Variants in ALCAM observed in about 807,000 individuals in gnomAD.
The protein encoded by ALCAM is activated leukocyte cell adhesion molecule.
In ALCAM, 30 loss-of-function variants were observed where a neutral mutation model predicts 70.9. The ratio of observed to expected loss-of-function variants is 0.42; its 90% CI spans 0.32 to 0.57. The LOEUF (loss-of-function observed/expected upper bound fraction) is 0.57, where lower values mean the gene tolerates loss of function less well. ALCAM is among the 20% of genes least tolerant of loss of function. The pLI, the probability that ALCAM is intolerant of heterozygous loss-of-function variation, is 0.11. For synonymous variants in ALCAM, 249 were observed against 242.5 expected (o/e 1.03, Z -0.25); for missense variants, 591 against 695.1 (o/e 0.85, Z 1.68).
rs547975723 is a variant in ALCAM at position 105,478,869 on chromosome 3, C to T, written c.74-41198C>T. The stretch of plus-strand genomic sequence containing the variant: ...GAGGCATGAATGATGATTTAGAGTT[C>T]TCTGAGCTTATAATAAATAACCTCA... On this transcript the variant is annotated intron_variant, in intron 1 of 15. Coordinates refer to ENST00000306107, the MANE Select transcript of ALCAM (RefSeq NM_001627.4). Among the ~76,000 whole-genome samples, 32 of 152,132 alleles carry T rather than the reference C, an allele frequency of 2.1e-4. No homozygotes were observed. In the South Asian group the frequency reaches 6.6e-3, roughly 32 times the overall value.
At chr3:105,519,463 T>C (rs1034163627) in intron 1 of ALCAM, among the ~76,000 whole-genome samples, 2 of 152,078 alleles carry the variant, frequency 1.3e-5, no homozygotes, top group African/African-American at 2.4e-5. Context: ...ATTCTTACTA[T>C]GCTAATATTT....
chr3:105,467,422 G>A (rs74537900), intron 1 of ALCAM, among the ~76,000 whole-genome samples: 1,725 of 151,114 alleles, frequency 0.011, 11 homozygotes, highest in Middle Eastern at 0.024. Context: ...TGGATTGCTG[G>A]TATTGAACAT....
rs77393373 is a variant in ALCAM, at chr3:105,542,846, G to T, written c.991+1081G>T. Among the ~76,000 whole-genome samples the T allele has an allele frequency of 9.9e-3, 1,496 of 151,820 alleles. 19 individuals carry two copies. Among genetic ancestry groups the T allele is most frequent in the African/African-American group, 0.03 (1,237 of 41,482 alleles). On this transcript the variant is annotated intron_variant, in intron 8 of 15. Coordinates refer to ENST00000306107, the MANE Select transcript of ALCAM (RefSeq NM_001627.4). ...CCCTGTAAAAATAGTGGACTGTTAT[G>T]TTCACAGCTGGGCCATTTCTCCATT...
chr3:105,384,911 A>G (rs1278051285), intron 1 of ALCAM, among the ~76,000 whole-genome samples: 1 of 151,632 alleles, frequency 6.6e-6, no homozygotes, highest in African/African-American at 2.4e-5. Flanking sequence ...AGCCAAGTAA[A>G]CAAGACTTTC....
At chr3:105,408,155 A>T (rs1936295771) in intron 1 of ALCAM, among the ~76,000 whole-genome samples, 1 of 152,066 alleles carries the variant, frequency 6.6e-6, no homozygotes, top group Non-Finnish European at 1.5e-5. Flanking sequence ...TTACAAATTC[A>T]ATGCAATTCC....
chr3:105,435,981 G>A lies in ALCAM; in HGVS notation c.73+68500G>A, dbSNP rs181084729. Among the ~76,000 whole-genome samples the A allele has an allele frequency of 5.3e-5, 8 of 152,250 alleles. 1 individual carries two copies. The East Asian group carries it at 1.5e-3, about 29-fold the overall frequency. On this transcript the variant is annotated intron_variant, in intron 1 of 15. Transcript: ENST00000306107. ...GGCAAGTCTCACAATCATGGTGGAAGGCAAGAAGGAGCAAGTCACATCTTA... is the reference window on the plus strand; with the variant it reads ...GGCAAGTCTCACAATCATGGTGGAAAGCAAGAAGGAGCAAGTCACATCTTA...
chr3:105,418,445 G>C (rs1936560237), intron 1 of ALCAM, among the ~76,000 whole-genome samples: 1 of 151,584 alleles, frequency 6.6e-6, no homozygotes, highest in South Asian at 2.1e-4. Flanking sequence ...TCCTGAATCT[G>C]AGATCAAGCA....
intron 1 of ALCAM, among the ~76,000 whole-genome samples, chr3:105,451,638 A>G (rs950584621): frequency 3.3e-5 from 5 of 152,218 alleles, no homozygotes; most frequent in Non-Finnish European, 5.9e-5. Context: ...AATAATGCTA[A>G]GAGGTTCAAT....
chr3:105,436,651 G>T (rs1335258293), intron 1 of ALCAM, among the ~76,000 whole-genome samples: 1 of 152,162 alleles, frequency 6.6e-6, no homozygotes, highest in South Asian at 2.1e-4. Context: ...TCTAGCAAAA[G>T]TTCTTCAACT....
intron 1 of ALCAM, among the ~76,000 whole-genome samples, chr3:105,387,189 A>G (rs1460897440): frequency 6.6e-6 from 1 of 151,404 alleles, no homozygotes; most frequent in Non-Finnish European, 1.5e-5. Flanking sequence ...TGCTATAGGG[A>G]AGGGCAGGCG....
At chr3:105,435,949 A>G (rs188230570) in intron 1 of ALCAM, among the ~76,000 whole-genome samples, 26 of 152,260 alleles carry the variant, frequency 1.7e-4, no homozygotes, top group African/African-American at 5.8e-4. Context: ...ACAGTTCTAC[A>G]TAGCTGGGCA....
chr3:105,418,103 C>T (rs956913787), intron 1 of ALCAM, among the ~76,000 whole-genome samples: 1 of 151,764 alleles, frequency 6.6e-6, no homozygotes, highest in Admixed American at 6.6e-5. Flanking sequence ...TTCTCATTTC[C>T]TCCTACTAAT....
At chr3:105,476,940 A>G (rs1333218938) in intron 1 of ALCAM, among the ~76,000 whole-genome samples, 2 of 152,004 alleles carry the variant, frequency 1.3e-5, no homozygotes, top group African/African-American at 2.4e-5. Context: ...TTACCATGCT[A>G]TCCTCGTGAT....
chr3:105,486,437 G>T (rs1938429509), intron 1 of ALCAM, among the ~76,000 whole-genome samples: 2 of 152,034 alleles, frequency 1.3e-5, no homozygotes, highest in South Asian at 2.1e-4. Context: ...CCTTCCAAAT[G>T]GGCATTCAAC....
chr3:105,438,134 T>C (rs946797004), intron 1 of ALCAM, among the ~76,000 whole-genome samples: 5 of 152,270 alleles, frequency 3.3e-5, no homozygotes, highest in Non-Finnish European at 7.4e-5. Context: ...CCTTAAAGTA[T>C]GAGCTTGATA....
chr3:105,548,987 T>C (rs1305296267), intron 11 of ALCAM, among the ~76,000 whole-genome samples: 3 of 151,440 alleles, frequency 2.0e-5, no homozygotes, highest in African/African-American at 7.3e-5. Flanking sequence ...TGAAAAGATA[T>C]GAAGATTTAA....
At chr3:105,497,584 T>C (rs9863750) in intron 1 of ALCAM, among the ~76,000 whole-genome samples, 61,475 of 152,004 alleles carry the variant, frequency 0.4, 13,044 homozygotes, top group Admixed American at 0.52. Flanking sequence ...ATCATGGTTT[T>C]GTGGTGACAT....
chr3:105,568,781 T>A lies in ALCAM; in HGVS notation c.1665-3071T>A, dbSNP rs145020282. Among the ~76,000 whole-genome samples, 6 of 152,354 alleles carry A rather than the reference T, an allele frequency of 3.9e-5. No homozygotes were observed. In the East Asian group the frequency reaches 1.2e-3, roughly 29 times the overall value. ...AAATTTTCTTTCAATTTCTACTTTA[T>A]TTTTGTCACTCTCAAATACATTCAC... On this transcript the variant is annotated intron_variant, in intron 14 of 15. Coordinates refer to ENST00000306107, the MANE Select transcript of ALCAM (RefSeq NM_001627.4).
At chr3:105,415,709 A>G (rs1936491771) in intron 1 of ALCAM, among the ~76,000 whole-genome samples, 1 of 151,964 alleles carries the variant, frequency 6.6e-6, no homozygotes, top group South Asian at 2.1e-4. Context: ...TTTCTTTTCA[A>G]GTTACCTCCA....
Sources: allele counts gnomAD v4.1 joint callset (sites outside exome capture counted in the v4.1 genomes callset), GRCh38; gene constraint gnomAD v4.1.1; transcripts MANE v1.5; gene names NCBI Gene and HGNC (gene_info 2026-07-23, HGNC 2026-07-21).